The following RTL4 variants were observed in gnomAD, a reference collection of about 807,000 sequenced individuals.
The protein encoded by RTL4 is retrotransposon Gag like 4, also known as retrotransposon Gag-like protein 4.
RTL4 carries 4 observed loss-of-function variants against 5.3 expected under a neutral mutation model. The ratio of observed to expected loss-of-function variants is 0.75; its 90% CI spans 0.37 to 1.72. RTL4 has a LOEUF of 1.72. Ranked by LOEUF, RTL4 falls within the 40% of genes most tolerant of loss-of-function variation. The pLI is 0.04. For missense variants in RTL4, 260 were observed against 227.1 expected (o/e 1.14, Z -0.93); for synonymous variants, 98 against 87.3 (o/e 1.12, Z -0.68).
At chrX:112,287,851 C>A in the RTL4 span, among the ~76,000 whole-genome samples, 2 of 112,010 alleles carry the variant, frequency 1.8e-5, no homozygotes, top group Non-Finnish European at 3.8e-5. Flanking sequence ...CAATTTAAAT[C>A]TGACCCCTAG....
the RTL4 span, among the ~76,000 whole-genome samples, chrX:112,294,503 G>A: frequency 1.8e-5 from 2 of 111,127 alleles, no homozygotes; most frequent in African/African-American, 3.3e-5. Context: ...GGAGGTTGAC[G>A]CAGGAGAATC....
chrX:112,205,165 T>C, the RTL4 span, among the ~76,000 whole-genome samples: 1 of 110,994 alleles, frequency 9.0e-6, no homozygotes, highest in African/African-American at 3.3e-5. Flanking sequence ...AGTGCAATAC[T>C]GACATGAGAG....
At chrX:112,174,791 A>G in the RTL4 span, among the ~76,000 whole-genome samples, 1 of 96,379 alleles carries the variant, frequency 1.0e-5, no homozygotes, top group Non-Finnish European at 2.1e-5. Flanking sequence ...GTGTGAGATG[A>G]TATCTCATTG....
the RTL4 span, among the ~76,000 whole-genome samples, chrX:112,359,218 C>A: frequency 1.8e-5 from 2 of 111,623 alleles, no homozygotes; most frequent in Non-Finnish European, 3.8e-5. Flanking sequence ...TAAAGGCACA[C>A]AATGCATAAT....
chrX:112,167,878 G>GAA, the RTL4 span, among the ~76,000 whole-genome samples: 1 of 99,351 alleles, frequency 1.0e-5, no homozygotes, highest in African/African-American at 3.6e-5. Flanking sequence ...AAGGCCAAAA[G>GAA]AAAAAAAAAA....
chrX:112,381,318 T>C, the RTL4 span: 1 of 1,209,916 alleles, frequency 8.3e-7, no homozygotes, highest in South Asian at 1.8e-5. Context: ...TATCATAGTC[T>C]AATAAATAAT....
chrX:112,274,589 C>T, the RTL4 span, among the ~76,000 whole-genome samples: 5 of 111,300 alleles, frequency 4.5e-5, no homozygotes, highest in African/African-American at 6.5e-5. Flanking sequence ...AACACAAAAG[C>T]GCAGAGGTAG....
chrX:112,097,274 C>T, the RTL4 span, among the ~76,000 whole-genome samples: 1 of 111,367 alleles, frequency 9.0e-6, no homozygotes, highest in Non-Finnish European at 1.9e-5. Flanking sequence ...CCAAAAGAAT[C>T]ATGGTAATTT....
chrX:112,380,012 A>G, the RTL4 span, among the ~76,000 whole-genome samples: 134 of 111,308 alleles, frequency 1.2e-3, 13 homozygotes, highest in Non-Finnish European at 1.9e-5. Flanking sequence ...TCTGGAAATC[A>G]CTGATCTGTT....
the RTL4 span, among the ~76,000 whole-genome samples, chrX:112,097,240 G>A: frequency 1.8e-5 from 2 of 111,702 alleles, no homozygotes; most frequent in African/African-American, 6.5e-5. Context: ...GAAAGGAGGA[G>A]GGACTACATA....
At chrX:112,326,419 T>G in the RTL4 span, among the ~76,000 whole-genome samples, 3 of 111,287 alleles carry the variant, frequency 2.7e-5, no homozygotes, top group Non-Finnish European at 5.7e-5. Context: ...TCGGGTCACT[T>G]CCACCCGAAT....
chrX:112,174,736 A>G, the RTL4 span, among the ~76,000 whole-genome samples: 7 of 93,415 alleles, frequency 7.5e-5, no homozygotes, highest in Non-Finnish European at 8.5e-5. Flanking sequence ...CATCCTCTCC[A>G]GCACCTGTCG....
At chrX:112,247,354 A>G in the RTL4 span, among the ~76,000 whole-genome samples, 1 of 111,790 alleles carries the variant, frequency 8.9e-6, no homozygotes, top group East Asian at 2.8e-4. Context: ...TTTTATCTCT[A>G]TGGGTTTGCC....
At chrX:112,383,111 T>C in the RTL4 span, among the ~76,000 whole-genome samples, 1 of 112,212 alleles carries the variant, frequency 8.9e-6, no homozygotes, top group Admixed American at 9.5e-5. Flanking sequence ...TTAATTTTCT[T>C]ACAGGTGCAC....
chrX:112,424,238 T>A, the RTL4 span, among the ~76,000 whole-genome samples: 1 of 111,885 alleles, frequency 8.9e-6, no homozygotes, highest in African/African-American at 3.2e-5. Flanking sequence ...CTTTAATAAA[T>A]ATGCTATTTA....
the RTL4 span, among the ~76,000 whole-genome samples, chrX:112,133,413 A>G: frequency 8.9e-6 from 1 of 111,984 alleles, no homozygotes; most frequent in Non-Finnish European, 1.9e-5. Flanking sequence ...AAAATGAACA[A>G]ACTTTTCAGA....
the RTL4 span, among the ~76,000 whole-genome samples, chrX:112,253,758 C>T: frequency 1.8e-5 from 2 of 112,420 alleles, no homozygotes; most frequent in South Asian, 7.4e-4. Context: ...TCAATCTTAG[C>T]CCCTGTTCTA....
At chrX:112,434,255 G>C in the RTL4 span, among the ~76,000 whole-genome samples, 2 of 108,475 alleles carry the variant, frequency 1.8e-5, no homozygotes, top group Non-Finnish European at 3.8e-5. Flanking sequence ...CATCAAATGA[G>C]TTAGGGAGGA....
the RTL4 span, among the ~76,000 whole-genome samples, chrX:112,085,408 G>T: frequency 1.8e-5 from 2 of 112,529 alleles, no homozygotes; most frequent in African/African-American, 6.5e-5. Context: ...CTTGACCATA[G>T]TGGTAAATGG....
Sources: gnomAD v4.1 joint callset for allele counts (sites outside exome capture counted in the v4.1 genomes callset) on GRCh38, gnomAD v4.1.1 for gene constraint, MANE v1.5 for transcripts, NCBI Gene and HGNC (gene_info 2026-07-23, HGNC 2026-07-21) for gene names.